Variants in CPB1 observed in about 807,000 individuals in gnomAD.
CPB1 encodes the protein carboxypeptidase B1.
A neutral mutation model predicts 51.4 loss-of-function variants in CPB1; 53 were observed. The observed-to-expected ratio is 1.03, with a 90% CI of 0.83 to 1.30. The LOEUF (loss-of-function observed/expected upper bound fraction) is 1.30, where lower values mean the gene tolerates loss of function less well. Ranked by LOEUF, CPB1 falls within the 50% of genes most tolerant of loss-of-function variation. The pLI is 0.00. For synonymous variants in CPB1, 189 were observed against 186.9 expected, an observed-to-expected ratio of 1.01 and a Z score of -0.09; for missense variants, 494 against 516.2, an observed-to-expected ratio of 0.96 and a Z score of 0.42.
At chr3:148,846,781 A>G (rs77719319) in intron 9 of CPB1, among the ~76,000 whole-genome samples, 6,659 of 58,012 alleles carry the variant, frequency 0.11, 533 homozygotes, top group African/African-American at 0.16. Context: ...ACACATATAT[A>G]TGTGTGTGTG....
chr3:148,840,832 C>T (rs1389904865), intron 4 of CPB1, 42 bp from the exon 5 acceptor site: 1 of 1,613,252 alleles, frequency 6.2e-7, no homozygotes. Context: ...GGGAATTGAA[C>T]CAAGAATGCC....
chr3:148,840,865 A>G lies in CPB1; in HGVS notation c.373-9A>G, dbSNP rs1387287833. 3 of 1,613,598 alleles carry G rather than the reference A, an allele frequency of 1.9e-6. No individual in the cohort carries two copies. Among genetic ancestry groups the G allele is most frequent in the Non-Finnish European group, 2.5e-6 (3 of 1,179,476 alleles). On this transcript the variant is annotated splice_polypyrimidine_tract_variant and intron_variant, in intron 4 of 10. Transcript: ENST00000282957. Reference sequence around the variant, plus strand: ...GCCACATTGATCTACAAATGATTCCATTTGGTAGATAGAGGCTTGGACTCA... The same window carrying G: ...GCCACATTGATCTACAAATGATTCCGTTTGGTAGATAGAGGCTTGGACTCA...
chr3:148,856,253 A>T (rs898619636), intron 9 of CPB1: 6 of 152,248 alleles, frequency 3.9e-5, no homozygotes, highest in African/African-American at 1.4e-4. Context: ...AGTGGACCAG[A>T]ACAGAAAATA....
rs139966566 is a variant in CPB1, at chr3:148,834,558, C to T, written c.208C>T (p.Arg70Cys). The T allele has an allele frequency of 2.6e-4, 424 of 1,613,102 alleles. 3 individuals carry two copies. The South Asian group carries it at 3.2e-3, about 12-fold the overall frequency. The change falls in exon 3 of 11, where the codon CGT becomes TGT. Residue 70 changes from arginine (R) to cysteine (C), a missense_variant. Arg to Cys is a radical substitution (Grantham distance 180). Transcript: ENST00000282957. ...QIKPHSTVDF[R>C]VKAEDTVTVE... is the part of the protein sequence containing the mutation. ...CAAACCTCACAGTACAGTTGACTTC[C>T]GTGTTAAAGCAGAAGATACTGTCAC... is the stretch of plus-strand genomic sequence containing the variant.
chr3:148,844,681 G>C lies in CPB1; in HGVS notation c.692G>C (p.Arg231Pro), dbSNP rs370907426. ...DGYIYTWTKS[R>P]FWRKTRSTHT... Reference sequence around the variant, plus strand: ...AACTATGTAGTCCACTTTCAGAGCCGATTTTGGAGAAAGACTCGCTCCACC... The same window carrying C: ...AACTATGTAGTCCACTTTCAGAGCCCATTTTGGAGAAAGACTCGCTCCACC... The change falls in exon 8 of 11, where the codon CGA (arginine) becomes CCA (proline). Residue 231 changes from arginine (R) to proline (P), a missense_variant. Arg to Pro is a moderately radical substitution (Grantham distance 103). Transcript: ENST00000282957. The C allele has an allele frequency of 1.2e-6, 2 of 1,613,726 alleles. No homozygotes were observed. The highest frequency in any genetic ancestry group is 1.7e-5 in the Admixed American group (1 of 59,962).
intron 10 of CPB1, 161 bp downstream of exon 10, chr3:148,857,702 A>AAG (rs3044024): frequency 2.3e-4 from 122 of 523,398 alleles, no homozygotes; most frequent in African/African-American, 2.2e-3. Context: ...AAAAAAAAAA[A>AAG]GGAGGGAAAG....
In CPB1 at chr3:148,840,737, G is replaced by T; in HGVS notation, c.324G>T (p.Arg108=). ...TGGTGGAGGCTCAGTTTGATAGCCG[G>T]GTTCGTGCAACAGGACACAGTTATG... is the stretch of plus-strand genomic sequence containing the variant. ...RNVVEAQFDS[R]VRATGHSYEK... The change falls in exon 4 of 11, where the codon CGG becomes CGT. Residue 108 remains arginine, a synonymous_variant. Transcript: ENST00000282957. 1.2e-6 allele frequency: 2 copies of T among 1,614,110 alleles called. No homozygotes were observed. The highest frequency in any genetic ancestry group is 2.2e-5 in the South Asian group (2 of 91,074).
At chr3:148,839,939 TACACAC>T (rs112650920) in intron 3 of CPB1, among the ~76,000 whole-genome samples, 3 of 140,518 alleles carry the variant, frequency 2.1e-5, no homozygotes, top group Non-Finnish European at 4.8e-5. Context: ...CACACACACA[TACACAC>T]ACACACACAC....
intron 9 of CPB1, chr3:148,851,879 G>A (rs1713441534): frequency 6.6e-6 from 1 of 152,190 alleles, no homozygotes; most frequent in African/African-American, 2.4e-5. Context: ...GTCACAGTGG[G>A]CCCTGGAGCC....
chr3:148,857,149 A>G (rs1217764598), intron 9 of CPB1: 1 of 178,336 alleles, frequency 5.6e-6, no homozygotes, highest in Non-Finnish European at 1.2e-5. Flanking sequence ...ACAGGTAAAC[A>G]ACTTCTTTGC....
At chr3:148,844,428 C>A in intron 6 of CPB1, 50 bp from the exon 7 acceptor site, 1 of 1,363,510 alleles carries the variant, frequency 7.3e-7, no homozygotes, top group Non-Finnish European at 1.0e-6. Flanking sequence ...ATTTTAACAG[C>A]ATCATAATTC....
chr3:148,845,453 G>A lies in CPB1; in HGVS notation c.808G>A (p.Glu270Lys). Residue 270 changes from glutamate (E) to lysine (K), a missense_variant, in exon 9 of 11, where the codon GAA (glutamate) becomes AAA (lysine). Glu to Lys is a moderately conservative substitution (Grantham distance 56). Transcript: ENST00000282957. ...EIGASRNPCD[E>K]TYCGPAAESE... Reference sequence around the variant, plus strand: ...TGGAGCCTCTCGAAACCCCTGTGATGAAACTTACTGTGGACCTGCCGCAGA... The same window carrying A: ...TGGAGCCTCTCGAAACCCCTGTGATAAAACTTACTGTGGACCTGCCGCAGA... 2 of 1,613,840 alleles carry A rather than the reference G, an allele frequency of 1.2e-6. No individual in the cohort carries two copies. Among genetic ancestry groups the A allele is most frequent in the Non-Finnish European group, 8.5e-7 (1 of 1,179,818 alleles).
intron 9 of CPB1, 59 bp downstream of exon 9, chr3:148,845,685 C>A: frequency 1.5e-6 from 2 of 1,353,212 alleles, no homozygotes; most frequent in Admixed American, 2.0e-5. Context: ...AATTCTAATC[C>A]TGAAAAAAAA....
chr3:148,857,363 T>C, intron 9 of CPB1, 94 bp from the exon 10 acceptor site: 2 of 912,052 alleles, frequency 2.2e-6, no homozygotes, highest in Non-Finnish European at 3.5e-6. Context: ...AATTGTTACT[T>C]ACATGCTTTG....
At chr3:148,847,076 A>T (rs1263852780) in intron 9 of CPB1, among the ~76,000 whole-genome samples, 2 of 150,670 alleles carry the variant, frequency 1.3e-5, no homozygotes, top group East Asian at 3.9e-4. Context: ...ACTACATACT[A>T]ATGAGTTAAT....
chr3:148,827,935 C>T, intron 1 of CPB1, 41 bp downstream of exon 1: 1 of 1,612,494 alleles, frequency 6.2e-7, no homozygotes. Context: ...TTCTTCCTTG[C>T]TAGCCCCCAA....
In CPB1 at chr3:148,859,915, T is replaced by C; in HGVS notation, c.1167T>C (p.Leu389=). The change falls in exon 11 of 11, where the codon CTT becomes CTC. Residue 389 remains leucine, a synonymous_variant. Coordinates refer to ENST00000282957, the MANE Select transcript of CPB1 (RefSeq NM_001871.3). The stretch of plus-strand genomic sequence containing the variant: ...ATACAGGCAGATATGGCTTTCTCCT[T>C]CCAGAATCCCAGATCCGGGCTACCT... The part of the protein sequence containing the change: ...LRDTGRYGFL[L]PESQIRATCE... 6.2e-7 allele frequency: 1 copy of C among 1,614,146 alleles called. No homozygotes were observed. The highest frequency in any genetic ancestry group is 2.2e-5 in the East Asian group (1 of 44,884).
rs753167827 is a variant in CPB1, at chr3:148,834,573, G to T, written c.223G>T (p.Asp75Tyr). The change falls in exon 3 of 11, where the codon GAT becomes TAT. Residue 75 changes from aspartate (D) to tyrosine (Y), a missense_variant. By Grantham distance (160) the Asp-to-Tyr change is radical. Coordinates refer to ENST00000282957, the MANE Select transcript of CPB1 (RefSeq NM_001871.3). Reference sequence around the variant, plus strand: ...AGTTGACTTCCGTGTTAAAGCAGAAGATACTGTCACTGTGGAGAATGTTCT... The same window carrying T: ...AGTTGACTTCCGTGTTAAAGCAGAATATACTGTCACTGTGGAGAATGTTCT... The part of the protein sequence containing the change: ...STVDFRVKAE[D>Y]TVTVENVLKQ... The T allele has an allele frequency of 1.2e-6, 2 of 1,613,194 alleles. No individual in the cohort carries two copies. Among genetic ancestry groups the T allele is most frequent in the Admixed American group, 1.7e-5 (1 of 60,002 alleles).
chr3:148,857,207 T>A (rs531281842), intron 9 of CPB1: 1 of 317,082 alleles, frequency 3.2e-6, no homozygotes, highest in African/African-American at 2.1e-5. Flanking sequence ...TACAAACTCT[T>A]ACAAGACAAG....
Sources: gnomAD v4.1 joint callset for allele counts (sites outside exome capture counted in the v4.1 genomes callset) on GRCh38, gnomAD v4.1.1 for gene constraint, MANE v1.5 for transcripts, NCBI Gene and HGNC (gene_info 2026-07-23, HGNC 2026-07-21) for gene names.